Variants in DOCK4 observed in about 807,000 individuals in gnomAD.
The protein encoded by DOCK4 is dedicator of cytokinesis 4.
DOCK4 carries 97 observed loss-of-function variants against 268.1 expected under a neutral mutation model. The ratio of observed to expected loss-of-function variants is 0.36; its 90% CI spans 0.31 to 0.43. The LOEUF is 0.43. Ranked by LOEUF, DOCK4 falls within the 20% of genes least tolerant of loss-of-function variation. The pLI, the probability that DOCK4 is intolerant of heterozygous loss-of-function variation, is 1.00. For synonymous variants in DOCK4, 954 were observed against 887.2 expected, an observed-to-expected ratio of 1.08 and a Z score of -1.34; for missense variants, 2,145 against 2,455.7, an observed-to-expected ratio of 0.87 and a Z score of 2.67.
At chr7:112,149,032 T>C (rs1470396380) in intron 1 of DOCK4, among the ~76,000 whole-genome samples, 1 of 152,214 alleles carries the variant, frequency 6.6e-6, no homozygotes, top group African/African-American at 2.4e-5. Context: ...CATCTTGCTC[T>C]GTTCCTAATT....
chr7:112,150,158 C>G (rs903415803), intron 1 of DOCK4, among the ~76,000 whole-genome samples: 1 of 152,152 alleles, frequency 6.6e-6, no homozygotes, highest in African/African-American at 2.4e-5. Context: ...CAAGCTCATG[C>G]TTTGAAATGC....
chr7:111,895,722 TA>T lies in DOCK4; in HGVS notation c.1481-5del, dbSNP rs759800360. The T allele has an allele frequency of 1.2e-6, 2 of 1,613,206 alleles. No homozygotes were observed. Among genetic ancestry groups the T allele is most frequent in the South Asian group, 1.1e-5 (1 of 91,056 alleles). On this transcript the variant is annotated splice_region_variant and splice_polypyrimidine_tract_variant and intron_variant, in intron 15 of 52. Transcript: ENST00000428084. ...TTCTTCTCTCCTTTCTCCTTTGCTG[TA>T]AAAAACAAATTACTTGCTTATTTAA...
At chr7:112,127,981 A>T (rs1813395415) in intron 1 of DOCK4, among the ~76,000 whole-genome samples, 2 of 152,166 alleles carry the variant, frequency 1.3e-5, no homozygotes, top group South Asian at 4.1e-4. Context: ...GTGAGCCAAG[A>T]TTGTGCCACT....
At position 111,848,845 on chromosome 7, in the gene DOCK4, C is replaced by T. The variant is rs147469626; in HGVS notation, c.2474-1719G>A. ...AAAGGCTCCTCTCCCTACAACCCTC[C>T]CCTTCCACCACCTCTTAGATGGAAA... On this transcript the variant is annotated intron_variant, in intron 23 of 52. Coordinates refer to ENST00000428084, the MANE Select transcript of DOCK4 (RefSeq NM_001363540.2). 8.5e-5 allele frequency among the ~76,000 whole-genome samples: 13 copies of T among 152,304 alleles called. No homozygotes were observed. In the East Asian group the frequency reaches 2.5e-3, roughly 29 times the overall value.
intron 1 of DOCK4, among the ~76,000 whole-genome samples, chr7:112,108,445 T>C (rs1358113224): frequency 6.6e-6 from 1 of 152,206 alleles, no homozygotes; most frequent in Non-Finnish European, 1.5e-5. Flanking sequence ...ACTCTCCCTC[T>C]GAATTAAAAT....
chr7:111,944,729 T>C, intron 10 of DOCK4, 82 bp downstream of exon 10: 2 of 1,309,548 alleles, frequency 1.5e-6, no homozygotes, highest in Non-Finnish European at 2.2e-6. Flanking sequence ...CAGACAGCAA[T>C]AAATCACAAC....
chr7:111,840,978 C>A, intron 25 of DOCK4: 1 of 489,228 alleles, frequency 2.0e-6, no homozygotes, highest in Non-Finnish European at 3.6e-6. Context: ...ATTATAACAA[C>A]AACAATACCT....
intron 1 of DOCK4, among the ~76,000 whole-genome samples, chr7:112,018,123 A>G (rs1801978502): frequency 7.6e-6 from 1 of 131,460 alleles, no homozygotes; most frequent in African/African-American, 2.8e-5. Flanking sequence ...CAGCCTGGGC[A>G]ACACAGCAAG....
chr7:111,872,635 G>C, intron 17 of DOCK4, 71 bp from the exon 18 acceptor site: 1 of 1,307,708 alleles, frequency 7.6e-7, no homozygotes, highest in East Asian at 2.5e-5. Context: ...CGTTCTGCTA[G>C]TAAAAGTAAA....
intron 16 of DOCK4, among the ~76,000 whole-genome samples, chr7:111,881,135 C>T (rs1807350397): frequency 6.6e-6 from 1 of 152,134 alleles, no homozygotes; most frequent in African/African-American, 2.4e-5. Flanking sequence ...AGTGAAGAGA[C>T]AACCCACATA....
intron 44 of DOCK4, among the ~76,000 whole-genome samples, chr7:111,743,174 C>A (rs1162623050): frequency 2.0e-5 from 3 of 152,182 alleles, no homozygotes; most frequent in Non-Finnish European, 4.4e-5. Context: ...TCCTTTGATT[C>A]GAGCAGCAGC....
At chr7:112,064,319 T>C (rs1330502381) in intron 1 of DOCK4, among the ~76,000 whole-genome samples, 18 of 152,178 alleles carry the variant, frequency 1.2e-4, no homozygotes, top group Admixed American at 1.0e-3. Context: ...CAATATCCCA[T>C]AGTAAATCCC....
At chr7:112,120,338 T>G (rs1812621776) in intron 1 of DOCK4, among the ~76,000 whole-genome samples, 1 of 152,334 alleles carries the variant, frequency 6.6e-6, no homozygotes, top group African/African-American at 2.4e-5. Context: ...TAAAACTGTT[T>G]AGTAGCGCTA....
intron 16 of DOCK4, among the ~76,000 whole-genome samples, chr7:111,894,712 T>A (rs1464609483): frequency 6.6e-6 from 1 of 152,134 alleles, no homozygotes; most frequent in Non-Finnish European, 1.5e-5. Flanking sequence ...GATGTGGTTG[T>A]AGCATCAAGA....
At chr7:111,994,266 A>G (rs1799752448) in intron 4 of DOCK4, 35 bp from the exon 5 acceptor site, 1 of 1,370,786 alleles carries the variant, frequency 7.3e-7, no homozygotes, top group African/African-American at 1.5e-5. Flanking sequence ...ATATATGTAA[A>G]TACCATAGAC....
rs1206392286 is a variant in DOCK4, at chr7:111,727,128, T to C, written c.*1146A>G. ...GGTGCTTTTTTCACACTTCTACAACTGGCATTAGCATCCCTATCTAGACCT... is the reference window on the plus strand; with the variant it reads ...GGTGCTTTTTTCACACTTCTACAACCGGCATTAGCATCCCTATCTAGACCT... On this transcript the variant is annotated 3_prime_UTR_variant, in exon 53 of 53. Transcript: ENST00000428084. 2 of 152,662 alleles carry C rather than the reference T, an allele frequency of 1.3e-5. No individual in the cohort carries two copies. The highest frequency in any genetic ancestry group is 4.8e-5 in the African/African-American group (2 of 41,464). The allele number at this position is 152,662 out of a possible 1,614,324, so 9.5% of individuals were successfully genotyped here.
chr7:111,797,259 T>C (rs1362568432), intron 30 of DOCK4, among the ~76,000 whole-genome samples: 1 of 152,100 alleles, frequency 6.6e-6, no homozygotes, highest in Non-Finnish European at 1.5e-5. Context: ...AGGGAAAAAG[T>C]TCCCCAAAAT....
intron 11 of DOCK4, 65 bp downstream of exon 11, chr7:111,940,045 G>T: frequency 6.5e-7 from 1 of 1,546,308 alleles, no homozygotes; most frequent in African/African-American, 1.4e-5. Context: ...AGTAGCATTC[G>T]CCCAAGTAGG....
At chr7:112,115,158 T>C (rs192642146) in intron 1 of DOCK4, among the ~76,000 whole-genome samples, 98 of 152,352 alleles carry the variant, frequency 6.4e-4, no homozygotes, top group African/African-American at 2.3e-3. Flanking sequence ...CTGACTGTTG[T>C]TTCAACCTGT....
Sources: allele counts gnomAD v4.1 joint callset (sites outside exome capture counted in the v4.1 genomes callset), GRCh38; gene constraint gnomAD v4.1.1; transcripts MANE v1.5; gene names NCBI Gene and HGNC (gene_info 2026-07-23, HGNC 2026-07-21).